SMCHD1: variants seen among roughly 807,000 people sequenced by gnomAD.
SMCHD1 encodes structural maintenance of chromosomes flexible hinge domain-containing protein 1.
A neutral mutation model predicts 254.7 loss-of-function variants in SMCHD1; 78 were observed. The ratio of observed to expected loss-of-function variants is 0.31; its 90% confidence interval spans 0.26 to 0.37. The LOEUF (loss-of-function observed/expected upper bound fraction) is 0.37. Ranked by LOEUF, SMCHD1 falls within the 10% of genes least tolerant of loss-of-function variation. The pLI is 1.00. For synonymous variants in SMCHD1, 766 were observed against 794.9 expected, an observed-to-expected ratio of 0.96 and a Z score of 0.61; for missense variants, 1,840 against 2,408.1, an observed-to-expected ratio of 0.76 and a Z score of 4.94.
intron 42 of SMCHD1, among the ~76,000 whole-genome samples, chr18:2,776,396 T>G (rs1268743073): frequency 1.3e-5 from 2 of 151,762 alleles, no homozygotes; most frequent in Non-Finnish European, 2.9e-5. Context: ...TAAATTTTTT[T>G]TTTTTAATTG....
chr18:2,738,249 A>G lies in SMCHD1; in HGVS notation c.3277-148A>G, dbSNP rs187403962. 5 of 627,010 alleles carry G rather than the reference A, an allele frequency of 8.0e-6. No individual in the cohort carries two copies. The East Asian group carries it at 9.3e-5, about 12-fold the overall frequency. 38.8% of individuals were successfully genotyped at this position (627,010 alleles called of 1,614,324 possible). On this transcript the variant is annotated intron_variant, in intron 25 of 47. Transcript: ENST00000320876. Reference sequence around the variant, plus strand: ...GGATGCCTTTGTATCATATTAGTATATGAACCACACCGTTTCTGACCATAA... The same window carrying G: ...GGATGCCTTTGTATCATATTAGTATGTGAACCACACCGTTTCTGACCATAA...
intron 45 of SMCHD1, among the ~76,000 whole-genome samples, chr18:2,791,715 G>T (rs1382936914): frequency 6.6e-6 from 1 of 152,172 alleles, no homozygotes; most frequent in Non-Finnish European, 1.5e-5. Flanking sequence ...AAACAGAAAA[G>T]GGGAACCCAG....
intron 5 of SMCHD1, among the ~76,000 whole-genome samples, chr18:2,675,739 A>G (rs1183918976): frequency 6.6e-6 from 1 of 152,226 alleles, no homozygotes; most frequent in African/African-American, 2.4e-5. Flanking sequence ...TAGATTAGGC[A>G]AAATGGTCAG....
intron 34 of SMCHD1, among the ~76,000 whole-genome samples, chr18:2,758,443 T>G (rs951274864): frequency 3.6e-4 from 55 of 152,190 alleles, no homozygotes; most frequent in Non-Finnish European, 6.6e-4. Flanking sequence ...ACATGCCTTT[T>G]TGTTGTGAAT....
chr18:2,662,615 A>G (rs1183198208), intron 1 of SMCHD1, among the ~76,000 whole-genome samples: 2 of 148,072 alleles, frequency 1.4e-5, no homozygotes, highest in African/African-American at 2.5e-5. Flanking sequence ...ATTGCACTCC[A>G]GCCTGCACAA....
At chr18:2,704,799 T>A (rs2074478936) in intron 13 of SMCHD1, among the ~76,000 whole-genome samples, 1 of 152,060 alleles carries the variant, frequency 6.6e-6, no homozygotes, top group African/African-American at 2.4e-5. Flanking sequence ...TATTTAAAGC[T>A]ATAGAATTGG....
intron 44 of SMCHD1, among the ~76,000 whole-genome samples, chr18:2,783,362 T>C (rs1457029183): frequency 6.6e-6 from 1 of 152,210 alleles, no homozygotes; most frequent in Non-Finnish European, 1.5e-5. Context: ...GAAGGCCCTT[T>C]TTCCATAGCC....
At chr18:2,707,214 A>T (rs567637453) in intron 15 of SMCHD1, among the ~76,000 whole-genome samples, 16 of 152,278 alleles carry the variant, frequency 1.1e-4, no homozygotes, top group African/African-American at 3.9e-4. Context: ...TGTATAGCTA[A>T]TGATGCAATC....
intron 20 of SMCHD1, among the ~76,000 whole-genome samples, chr18:2,723,329 C>T (rs181688268): frequency 1.0e-3 from 155 of 152,022 alleles, no homozygotes; most frequent in Admixed American, 2.6e-3. Flanking sequence ...TAGTCAGTTG[C>T]TTGTTCTTGG....
At chr18:2,744,053 A>C in intron 29 of SMCHD1, 125 bp downstream of exon 29, 1 of 759,466 alleles carries the variant, frequency 1.3e-6, no homozygotes, top group Non-Finnish European at 2.0e-6. Flanking sequence ...GTTAACAGTA[A>C]AAATAACAAA....
At chr18:2,665,406 C>T (rs559780016) in intron 1 of SMCHD1, among the ~76,000 whole-genome samples, 27 of 151,914 alleles carry the variant, frequency 1.8e-4, no homozygotes, top group Non-Finnish European at 2.4e-4. Context: ...CTGCAACCTC[C>T]GCCTCCCCAG....
At chr18:2,760,476 G>A in intron 34 of SMCHD1, 176 bp from the exon 35 acceptor site, 2 of 510,554 alleles carry the variant, frequency 3.9e-6, no homozygotes, top group South Asian at 5.7e-5. Flanking sequence ...ACAGGTAAGA[G>A]GAACCTGGGA....
At position 2,717,880 on chromosome 18, in the gene SMCHD1, A is replaced by G. The variant is rs1240941592; in HGVS notation, c.2261-278A>G. Among the ~76,000 whole-genome samples the G allele has an allele frequency of 3.3e-5, 5 of 152,256 alleles. 1 individual carries two copies. In the South Asian group the frequency reaches 8.3e-4, roughly 25 times the overall value. ...AAATAAGGAATTTTTTGGAGAGGTC[A>G]TGTTATTTGTCTTCTGTTGTCTTCC... On this transcript the variant is annotated intron_variant, in intron 17 of 47. Transcript: ENST00000320876.
At chr18:2,788,647 C>T (rs2143830899) in intron 45 of SMCHD1, among the ~76,000 whole-genome samples, 1 of 151,942 alleles carries the variant, frequency 6.6e-6, no homozygotes, top group Middle Eastern at 3.4e-3. Flanking sequence ...CTCTGTTGCC[C>T]AAGATGGAGT....
chr18:2,668,460 G>C (rs1283308671), intron 3 of SMCHD1, among the ~76,000 whole-genome samples: 1 of 152,186 alleles, frequency 6.6e-6, no homozygotes, highest in Middle Eastern at 3.2e-3. Context: ...TAGGTGACTT[G>C]CTACACTACT....
At chr18:2,762,281 ATTATC>A (rs1259026310) in intron 36 of SMCHD1, 45 bp downstream of exon 36, 1 of 1,587,622 alleles carries the variant, frequency 6.3e-7, no homozygotes, top group Non-Finnish European at 8.6e-7. Context: ...AACAAGAAAA[ATTATC>A]TTTGATTTTA....
At chr18:2,682,400 C>T (rs1192750038) in intron 5 of SMCHD1, among the ~76,000 whole-genome samples, 2 of 151,444 alleles carry the variant, frequency 1.3e-5, no homozygotes, top group Non-Finnish European at 2.9e-5. Context: ...GATTTCAGCT[C>T]ACTGCAACCC....
At chr18:2,787,315 T>G (rs559675380) in intron 45 of SMCHD1, among the ~76,000 whole-genome samples, 2 of 152,264 alleles carry the variant, frequency 1.3e-5, no homozygotes, top group South Asian at 4.1e-4. Context: ...ACCCCAACAT[T>G]AGGCCTCACC....
intron 3 of SMCHD1, among the ~76,000 whole-genome samples, chr18:2,669,393 C>T (rs1010501694): frequency 2.0e-5 from 3 of 152,102 alleles, no homozygotes; most frequent in African/African-American, 7.2e-5. Flanking sequence ...GAGATGGAGT[C>T]TCACTATGTT....
Sources: allele counts gnomAD v4.1 joint callset (sites outside exome capture counted in the v4.1 genomes callset), GRCh38; gene constraint gnomAD v4.1.1; transcripts MANE v1.5; gene names NCBI Gene and HGNC (gene_info 2026-07-23, HGNC 2026-07-21).